The following LRRK2 variants were observed in gnomAD, a reference collection of about 807,000 sequenced individuals.
The protein encoded by LRRK2 is leucine rich repeat kinase 2.
Under a neutral mutation model 302.6 loss-of-function variants are expected in LRRK2, and 203 were observed. That is an observed-to-expected ratio of 0.67 (90% CI 0.60 to 0.75). LRRK2 has a LOEUF of 0.75. Among genes scored for constraint, LRRK2 ranks in the 30% least tolerant of loss-of-function variants. LRRK2 has a pLI of 0.00. For missense variants in LRRK2, 2,830 were observed against 2,951.0 expected, an observed-to-expected ratio of 0.96 and a Z score of 0.95; for synonymous variants, 1,066 against 1,031.9, an observed-to-expected ratio of 1.03 and a Z score of -0.63.
intron 13 of LRRK2, among the ~76,000 whole-genome samples, chr12:40,260,576 A>AC (rs1053842048): frequency 1.2e-4 from 19 of 152,096 alleles, no homozygotes; most frequent in African/African-American, 4.1e-4. Context: ...CAGTGCTAAA[A>AC]ATTTTTTGCC....
intron 6 of LRRK2, among the ~76,000 whole-genome samples, chr12:40,242,689 A>G (rs140809756): frequency 3.1e-4 from 47 of 151,676 alleles, no homozygotes; most frequent in African/African-American, 1.1e-3. Context: ...AAAAAAAACA[A>G]TGCAAAAGTC....
At position 40,259,532 on chromosome 12, in the gene LRRK2, A is replaced by C; in HGVS notation, c.1471A>C (p.Met491Leu). Residue 491 changes from methionine (M) to leucine (L), a missense_variant, in exon 13 of 51, where the codon ATG becomes CTG. Around this residue, in one of 3 missense-constraint regions of LRRK2, gnomAD observed 2,121 missense variants for 2,148.0 expected, o/e 0.99. Coordinates refer to ENST00000298910, the MANE Select transcript of LRRK2 (RefSeq NM_198578.4). The stretch of plus-strand genomic sequence containing the variant: ...AGTGGTCCCCAAAATACTAACAGTT[A>C]TGAAACGTCATGAGACATCATTACC... ...AAVVPKILTV[M>L]KRHETSLPVQ... 6.2e-7 allele frequency: 1 copy of C among 1,613,450 alleles called. No homozygotes were observed. The highest frequency in any genetic ancestry group is 8.5e-7 in the Non-Finnish European group (1 of 1,179,536).
In LRRK2 at chr12:40,270,930, C is replaced by G. The variant is rs183846201; in HGVS notation, c.1657-3653C>G. Reference sequence around the variant, plus strand: ...GAGTTTGGAAGTAGAACTGGATATACTTACTTATTACTATTGTTTTTAATA... The same window carrying G: ...GAGTTTGGAAGTAGAACTGGATATAGTTACTTATTACTATTGTTTTTAATA... On this transcript the variant is annotated intron_variant, in intron 14 of 50. Transcript: ENST00000298910. Among the ~76,000 whole-genome samples the G allele has an allele frequency of 5.1e-3, 777 of 151,952 alleles. 3 individuals carry two copies. The highest frequency in any genetic ancestry group is 7.7e-3 in the Non-Finnish European group (523 of 67,962).
chr12:40,298,892 A>C (rs1443401547), intron 24 of LRRK2, among the ~76,000 whole-genome samples: 1 of 125,114 alleles, frequency 8.0e-6, no homozygotes. Flanking sequence ...AATACTTATT[A>C]TATATATACT....
At position 40,249,914 on chromosome 12, in the gene LRRK2, G is replaced by A. The variant is rs1438063782; in HGVS notation, c.927G>A (p.Gln309=). The A allele has an allele frequency of 1.2e-6, 2 of 1,613,722 alleles. No homozygotes were observed. The highest frequency in any genetic ancestry group is 1.7e-6 in the Non-Finnish European group (2 of 1,179,838). ...VQQYPENAAL[Q]ISALSCLALL... ...AGTACCCAGAGAATGCAGCATTGCA[G>A]ATCTCAGCGCTCAGCTGTTTGGCCC... Residue 309 remains glutamine, a synonymous_variant, in exon 8 of 51, where the codon CAG becomes CAA. Transcript: ENST00000298910.
chr12:40,340,515 T>C (rs1304211967), intron 41 of LRRK2, 61 bp downstream of exon 41: 14 of 1,564,618 alleles, frequency 8.9e-6, no homozygotes, highest in Non-Finnish European at 1.2e-5. Flanking sequence ...TGACCTCAGA[T>C]GTGAGTTCAG....
At chr12:40,295,207 TC>T (rs1944332371) in intron 22 of LRRK2, among the ~76,000 whole-genome samples, 1 of 152,004 alleles carries the variant, frequency 6.6e-6, no homozygotes, top group Admixed American at 6.6e-5. Context: ...CAGTTTTCTT[TC>T]TTTCTTTTTT....
chr12:40,253,971 T>C (rs1273714988), intron 11 of LRRK2, among the ~76,000 whole-genome samples: 1 of 152,198 alleles, frequency 6.6e-6, no homozygotes, highest in Non-Finnish European at 1.5e-5. Context: ...AAATCGTTCT[T>C]TAATGTAATT....
At chr12:40,320,952 G>C in intron 34 of LRRK2, 82 bp from the exon 35 acceptor site, 2 of 1,451,040 alleles carry the variant, frequency 1.4e-6, no homozygotes, top group African/African-American at 1.4e-5. Context: ...TACCTTCATT[G>C]ACTTTAAGCA....
In LRRK2 at chr12:40,299,151, A is replaced by G; in HGVS notation, c.3390A>G (p.Glu1130=). The G allele has an allele frequency of 1.2e-6, 2 of 1,613,530 alleles. No homozygotes were observed. The highest frequency in any genetic ancestry group is 1.7e-6 in the Non-Finnish European group (2 of 1,179,766). Residue 1130 remains glutamate, a synonymous_variant, in exon 25 of 51, where the codon GAA becomes GAG. Coordinates refer to ENST00000298910, the MANE Select transcript of LRRK2 (RefSeq NM_198578.4). Reference sequence around the variant, plus strand: ...TATGCTCCCCCTTGAGACTGAAGGAACTGAAGATTTTAAACCTTAGTAAGA... The same window carrying G: ...TATGCTCCCCCTTGAGACTGAAGGAGCTGAAGATTTTAAACCTTAGTAAGA... ...SGICSPLRLK[E]LKILNLSKNH... is the part of the protein sequence containing the mutation.
intron 41 of LRRK2, among the ~76,000 whole-genome samples, chr12:40,342,401 C>T (rs1402136916): frequency 6.6e-6 from 1 of 152,038 alleles, no homozygotes. Context: ...AATATGGAGA[C>T]AGATCATGTC....
In LRRK2 at chr12:40,356,060, A is replaced by C; in HGVS notation, c.6771-55A>C. On this transcript the variant is annotated intron_variant, in intron 45 of 50. Coordinates refer to ENST00000298910, the MANE Select transcript of LRRK2 (RefSeq NM_198578.4). Reference sequence around the variant, plus strand: ...TAAAGTGGAGGAGAACATTAAGGCCATTTTAGTCAACATACATGTTCTTTT... The same window carrying C: ...TAAAGTGGAGGAGAACATTAAGGCCCTTTTAGTCAACATACATGTTCTTTT... The C allele has an allele frequency of 2.4e-6, 3 of 1,230,152 alleles. No individual in the cohort carries two copies. In the South Asian group the frequency reaches 3.8e-5, roughly 16 times the overall value. 76.2% of individuals were successfully genotyped at this position (1,230,152 alleles called of 1,614,324 possible). A position where few individuals can be genotyped will look rare whatever the true frequency, so the allele number is the denominator to read the frequency against.
intron 11 of LRRK2, 103 bp from the exon 12 acceptor site, chr12:40,257,145 T>C (rs1942555014): frequency 1.2e-6 from 1 of 824,638 alleles, no homozygotes; most frequent in Non-Finnish European, 2.0e-6. Flanking sequence ...TGCTCTTGTA[T>C]ATGCTTTCCT....
intron 40 of LRRK2, among the ~76,000 whole-genome samples, chr12:40,338,066 G>C (rs952216699): frequency 6.6e-6 from 1 of 152,198 alleles, no homozygotes; most frequent in Admixed American, 6.5e-5. Flanking sequence ...GTGCTAAAGA[G>C]GGAAAGCTAG....
chr12:40,336,257 A>G (rs566259369), intron 40 of LRRK2, among the ~76,000 whole-genome samples: 2 of 152,278 alleles, frequency 1.3e-5, no homozygotes, highest in African/African-American at 4.8e-5. Context: ...CTCTCTACTT[A>G]TTATAAAGGA....
rs763779128 is a variant in LRRK2, at chr12:40,225,589, G to T, written c.186G>T (p.Val62=). The change falls in exon 2 of 51, where the codon GTG becomes GTT. Residue 62 remains valine (V), a synonymous_variant. Coordinates refer to ENST00000298910, the MANE Select transcript of LRRK2 (RefSeq NM_198578.4). ...TATTTCAAGGCAAAAATATCCATGT[G>T]CCTCTGTTGATCGTCTTGGACTCCT... ...SKLFQGKNIH[V]PLLIVLDSYM... is the part of the protein sequence containing the mutation. The T allele has an allele frequency of 1.2e-6, 2 of 1,614,096 alleles. No individual in the cohort carries two copies. The highest frequency in any genetic ancestry group is 1.7e-6 in the Non-Finnish European group (2 of 1,180,014).
At chr12:40,243,521 A>G (rs201445063) in intron 6 of LRRK2, 29 bp from the exon 7 acceptor site, 6 of 1,607,766 alleles carry the variant, frequency 3.7e-6, no homozygotes, top group Non-Finnish European at 5.1e-6. Context: ...TGGTTACCTT[A>G]TTGATAATTA....
intron 43 of LRRK2, among the ~76,000 whole-genome samples, chr12:40,350,977 A>G (rs1407831421): frequency 1.3e-5 from 2 of 152,226 alleles, no homozygotes; most frequent in Admixed American, 6.5e-5. Flanking sequence ...AGACAGAGTA[A>G]TGGGCTTTCT....
At position 40,334,855 on chromosome 12, in the gene LRRK2, A is replaced by T; in HGVS notation, c.5758-112A>T. On this transcript the variant is annotated intron_variant, in intron 39 of 50. Transcript: ENST00000298910. The stretch of plus-strand genomic sequence containing the variant: ...GAGAAGAAATGGAAAGTTTGCTATG[A>T]TCCAGTCATACAGAGAAATCCATGT... The T allele has an allele frequency of 2.5e-6, 3 of 1,206,654 alleles. No individual in the cohort carries two copies. The Admixed American group carries it at 5.3e-5, about 21-fold the overall frequency. The allele number at this position is 1,206,654 out of a possible 1,614,324, so 74.7% of individuals were successfully genotyped here.
Sources: gnomAD v4.1 joint callset for allele counts (sites outside exome capture counted in the v4.1 genomes callset) on GRCh38, gnomAD v4.1.1 for gene constraint, gnomAD v4.1.1 regional missense constraint, MANE v1.5 for transcripts, NCBI Gene and HGNC (gene_info 2026-07-23, HGNC 2026-07-21) for gene names.